WWOX: variants seen among roughly 807,000 people sequenced by gnomAD.
The protein encoded by WWOX is WW domain-containing oxidoreductase.
Under a neutral mutation model 46.2 loss-of-function variants are expected in WWOX, and 69 were observed. That is an observed-to-expected ratio of 1.49 (90% CI 1.23 to 1.82). The LOEUF (loss-of-function observed/expected upper bound fraction) is 1.82. WWOX is among the 40% of genes most tolerant of loss of function. WWOX has a pLI of 0.00. For synonymous variants in WWOX, 359 were observed against 202.6 expected (o/e 1.77, Z -6.56); for missense variants, 919 against 542.6 (o/e 1.69, Z -6.89).
intron 5 of WWOX, among the ~76,000 whole-genome samples, chr16:78,384,599 A>T (rs1390787338): frequency 6.6e-6 from 1 of 152,084 alleles, no homozygotes; most frequent in African/African-American, 2.4e-5. Flanking sequence ...ACCTTATAGC[A>T]GACCCTCTAG....
intron 5 of WWOX, among the ~76,000 whole-genome samples, chr16:78,169,929 G>A (rs1263447283): frequency 2.0e-5 from 3 of 152,118 alleles, no homozygotes; most frequent in South Asian, 2.1e-4. Flanking sequence ...TTAGTATAGC[G>A]AGGGGCCCAA....
chr16:79,200,904 G>T (rs1400086255), intron 8 of WWOX, among the ~76,000 whole-genome samples: 2 of 152,206 alleles, frequency 1.3e-5, no homozygotes, highest in Non-Finnish European at 2.9e-5. Flanking sequence ...ATACTTTGAT[G>T]TGTATGCTTC....
chr16:79,076,728 T>A (rs2048664420), intron 8 of WWOX, among the ~76,000 whole-genome samples: 2 of 152,204 alleles, frequency 1.3e-5, no homozygotes, highest in Admixed American at 1.3e-4. Context: ...GTGACTGTGG[T>A]CGGGTTATTG....
At chr16:78,595,753 T>A (rs1427979827) in intron 8 of WWOX, among the ~76,000 whole-genome samples, 1 of 152,200 alleles carries the variant, frequency 6.6e-6, no homozygotes, top group Non-Finnish European at 1.5e-5. Context: ...CTCAAGATAA[T>A]TAGCATAGCC....
rs111732838 is a variant in WWOX at position 78,263,259 on chromosome 16, A to G, written c.516+98970A>G. ...ATAAATACACTGTGTCCTCTCAGCA[A>G]GACCAGGACAACAGTGATTCTCTTT... On this transcript the variant is annotated intron_variant, in intron 5 of 8. Transcript: ENST00000566780. Among the ~76,000 whole-genome samples the G allele has an allele frequency of 5.4e-3, 829 of 152,316 alleles. 8 individuals carry two copies. The highest frequency in any genetic ancestry group is 0.019 in the African/African-American group (798 of 41,578).
Position 78,507,756 on chromosome 16 carries a change from C to T in WWOX, c.1056+75004C>T, listed in dbSNP as rs528646819. On this transcript the variant is annotated intron_variant, in intron 8 of 8. Coordinates refer to ENST00000566780, the MANE Select transcript of WWOX (RefSeq NM_016373.4). ...AGGAGGAAACACAGTCTTACTGTGCCGTGTGCTGAGCGCAGAGCCATTCTC... is the reference window on the plus strand; with the variant it reads ...AGGAGGAAACACAGTCTTACTGTGCTGTGTGCTGAGCGCAGAGCCATTCTC... Among the ~76,000 whole-genome samples the T allele has an allele frequency of 7.2e-4, 109 of 152,180 alleles. 1 individual carries two copies. The highest frequency in any genetic ancestry group is 2.5e-3 in the African/African-American group (104 of 41,510).
chr16:78,924,914 G>C (rs982065611), intron 8 of WWOX, among the ~76,000 whole-genome samples: 70 of 152,222 alleles, frequency 4.6e-4, no homozygotes, highest in African/African-American at 1.7e-3. Context: ...AACATACTTG[G>C]CCAGGCCTGG....
At chr16:79,113,225 G>C (rs2049450603) in intron 8 of WWOX, among the ~76,000 whole-genome samples, 1 of 152,218 alleles carries the variant, frequency 6.6e-6, no homozygotes, top group Admixed American at 6.5e-5. Flanking sequence ...AGTGGAGAAA[G>C]GGAAGGGGAA....
chr16:78,384,076 C>G (rs113671702), intron 5 of WWOX, among the ~76,000 whole-genome samples: 77 of 152,228 alleles, frequency 5.1e-4, no homozygotes, highest in African/African-American at 1.8e-3. Context: ...GCTTTGGGGT[C>G]GCCATCTGGG....
intron 8 of WWOX, among the ~76,000 whole-genome samples, chr16:79,145,360 AT>A (rs1247862079): frequency 6.6e-6 from 1 of 152,036 alleles, no homozygotes; most frequent in Non-Finnish European, 1.5e-5. Flanking sequence ...AGAGTCAAGG[AT>A]TTTTTTGTTA....
intron 8 of WWOX, among the ~76,000 whole-genome samples, chr16:78,827,189 A>C (rs554831450): frequency 1.3e-5 from 2 of 152,150 alleles, no homozygotes; most frequent in Non-Finnish European, 2.9e-5. Flanking sequence ...ATCAAGTGAA[A>C]GGGTAAATGC....
chr16:79,187,007 T>C (rs541464235), intron 8 of WWOX, among the ~76,000 whole-genome samples: 1 of 152,126 alleles, frequency 6.6e-6, no homozygotes, highest in South Asian at 2.1e-4. Context: ...CTTGAGAAAA[T>C]ATAAATTGTG....
At chr16:79,033,894 C>G (rs577932025) in intron 8 of WWOX, among the ~76,000 whole-genome samples, 5 of 152,336 alleles carry the variant, frequency 3.3e-5, no homozygotes, top group African/African-American at 9.6e-5. Context: ...GTCTGTCGCA[C>G]CATCAAACAG....
At position 78,273,021 on chromosome 16, in the gene WWOX, T is replaced by C. The variant is rs542386763; in HGVS notation, c.516+108732T>C. Among the ~76,000 whole-genome samples, 8 of 152,310 alleles carry C rather than the reference T, an allele frequency of 5.3e-5. No individual in the cohort carries two copies. The East Asian group carries it at 1.2e-3, about 22-fold the overall frequency. On this transcript the variant is annotated intron_variant, in intron 5 of 8. Transcript: ENST00000566780. The stretch of plus-strand genomic sequence containing the variant: ...GGATTTTTGTTTGTTTATTTGTTTG[T>C]TTGTTTCTTCTTGATAATCTCTTTC...
At chr16:78,980,834 C>G (rs915654982) in intron 8 of WWOX, among the ~76,000 whole-genome samples, 3 of 152,182 alleles carry the variant, frequency 2.0e-5, no homozygotes, top group East Asian at 1.9e-4. Context: ...TGAAAGTCCT[C>G]TCTTGGAAGG....
chr16:78,212,576 C>T lies in WWOX; in HGVS notation c.516+48287C>T, dbSNP rs1289650945. On this transcript the variant is annotated intron_variant, in intron 5 of 8. Transcript: ENST00000566780. ...AAATGTGGGTGAGTTCACCTAGGTC[C>T]CCTTCATGACAAGGTGGTGAGAAAC... Among the ~76,000 whole-genome samples the T allele has an allele frequency of 2.0e-5, 3 of 152,150 alleles. 1 individual carries two copies. The South Asian group carries it at 6.2e-4, about 32-fold the overall frequency.
At chr16:78,772,141 A>G (rs2050079479) in intron 8 of WWOX, among the ~76,000 whole-genome samples, 1 of 152,302 alleles carries the variant, frequency 6.6e-6, no homozygotes, top group East Asian at 1.9e-4. Context: ...TTCATCACCC[A>G]GGTAATAAGC....
intron 8 of WWOX, among the ~76,000 whole-genome samples, chr16:79,120,239 C>T (rs1394441909): frequency 6.6e-6 from 1 of 152,180 alleles, no homozygotes; most frequent in Non-Finnish European, 1.5e-5. Context: ...TGGCCACTCC[C>T]AGATTCCCTA....
chr16:78,978,000 C>G (rs1597230423), intron 8 of WWOX, among the ~76,000 whole-genome samples: 1 of 152,130 alleles, frequency 6.6e-6, no homozygotes, highest in African/African-American at 2.4e-5. Flanking sequence ...ATATTTGTAT[C>G]TCCCCACAAT....
Sources: allele counts gnomAD v4.1 joint callset (sites outside exome capture counted in the v4.1 genomes callset), GRCh38; gene constraint gnomAD v4.1.1; transcripts MANE v1.5; gene names NCBI Gene and HGNC (gene_info 2026-07-23, HGNC 2026-07-21).